STAU2: variants seen among roughly 807,000 people sequenced by gnomAD.
STAU2 encodes double-stranded RNA-binding protein Staufen homolog 2.
Under a neutral mutation model 65.9 loss-of-function variants are expected in STAU2, and 20 were observed. The observed-to-expected ratio is 0.30, with a 90% CI of 0.21 to 0.44. STAU2 has a LOEUF of 0.44. Ranked by LOEUF, STAU2 falls within the 20% of genes least tolerant of loss-of-function variation. The probability of loss-of-function intolerance (pLI) is 1.00; values close to 1 mark genes in which losing one functional copy is unlikely to be tolerated. For synonymous variants in STAU2, 232 were observed against 233.9 expected (o/e 0.99, Z 0.07); for missense variants, 558 against 683.9 (o/e 0.82, Z 2.05).
At chr8:73,608,913 G>A (rs1235173055) in intron 9 of STAU2, among the ~76,000 whole-genome samples, 1 of 152,158 alleles carries the variant, frequency 6.6e-6, no homozygotes, top group African/African-American at 2.4e-5. Flanking sequence ...AGGAGGCAGA[G>A]GTTGCAGTGA....
chr8:73,687,812 C>G (rs1459866790), intron 5 of STAU2, among the ~76,000 whole-genome samples: 4 of 151,042 alleles, frequency 2.6e-5, no homozygotes, highest in Non-Finnish European at 4.4e-5. Context: ...CCCGGGTTCA[C>G]GCCATTCTCC....
intron 5 of STAU2, among the ~76,000 whole-genome samples, chr8:73,687,112 T>C (rs1311248110): frequency 6.9e-6 from 1 of 144,998 alleles, no homozygotes; most frequent in Admixed American, 7.1e-5. Context: ...AGGCTATATA[T>C]AAATATATAG....
chr8:73,592,622 G>A (rs994714290), intron 11 of STAU2, among the ~76,000 whole-genome samples: 2 of 152,192 alleles, frequency 1.3e-5, no homozygotes, highest in Admixed American at 6.5e-5. Flanking sequence ...ACCTTGGGAA[G>A]CCAAGGCAGG....
intron 9 of STAU2, among the ~76,000 whole-genome samples, chr8:73,607,587 A>AAT (rs1464873799): frequency 6.6e-6 from 1 of 151,914 alleles, no homozygotes; most frequent in East Asian, 1.9e-4. Flanking sequence ...CATACAAAAA[A>AAT]TTAGCCGGGC....
intron 6 of STAU2, chr8:73,672,406 C>T (rs1169634881): frequency 3.9e-5 from 6 of 152,000 alleles, no homozygotes; most frequent in African/African-American, 4.8e-5. Context: ...TTCTGTATCT[C>T]GATCTGAGTG....
intron 13 of STAU2, among the ~76,000 whole-genome samples, chr8:73,512,137 T>C (rs889141246): frequency 6.6e-6 from 1 of 152,226 alleles, no homozygotes; most frequent in African/African-American, 2.4e-5. Flanking sequence ...TGCCACTAAG[T>C]AGAGTACTGT....
chr8:73,687,994 G>A (rs78814618), intron 5 of STAU2, among the ~76,000 whole-genome samples: 10,996 of 151,456 alleles, frequency 0.073, 432 homozygotes, highest in Middle Eastern at 0.14. Context: ...GATGACAGGC[G>A]TGAGCCACCG....
intron 13 of STAU2, among the ~76,000 whole-genome samples, chr8:73,523,480 A>G (rs959363031): frequency 3.3e-5 from 5 of 152,136 alleles, no homozygotes; most frequent in Non-Finnish European, 7.3e-5. Context: ...TTTAGAGTGT[A>G]GTTCAGTGAA....
chr8:73,746,888 C>CCCGCCT, upstream of STAU2: 1 of 1,019,878 alleles, frequency 9.8e-7, no homozygotes, highest in Non-Finnish European at 1.2e-6. Context: ...CTCCCCGCCC[C>CCCGCCT]CCGCCTCCGC....
chr8:73,721,287 CAAAAAAAAAAAAAAAA>C (rs35721754), intron 3 of STAU2, among the ~76,000 whole-genome samples: 5 of 12,464 alleles, frequency 4.0e-4, no homozygotes, highest in Admixed American at 1.2e-3. Flanking sequence ...ACCCCACCTC[CAAAAAAAAAAAAAAAA>C]AAAAAAAAAA....
At chr8:73,445,831 C>A (rs527533834) in intron 13 of STAU2, among the ~76,000 whole-genome samples, 2 of 152,330 alleles carry the variant, frequency 1.3e-5, no homozygotes, top group African/African-American at 2.4e-5. Flanking sequence ...CACCACCATA[C>A]GCTAGAGAAG....
intron 9 of STAU2, among the ~76,000 whole-genome samples, chr8:73,606,361 T>C (rs1005425473): frequency 3.3e-5 from 5 of 151,944 alleles, no homozygotes; most frequent in African/African-American, 1.2e-4. Flanking sequence ...CCAGAGTATA[T>C]AAAGACCTCT....
intron 3 of STAU2, among the ~76,000 whole-genome samples, chr8:73,730,237 T>C (rs945553258): frequency 2.6e-5 from 4 of 152,240 alleles, no homozygotes; most frequent in Admixed American, 6.5e-5. Flanking sequence ...TATTTCTAAG[T>C]ATTCTCTAAT....
At chr8:73,459,891 G>C (rs989054529) in intron 13 of STAU2, among the ~76,000 whole-genome samples, 2 of 152,134 alleles carry the variant, frequency 1.3e-5, no homozygotes, top group South Asian at 4.1e-4. Context: ...AACTCCTATC[G>C]GGCACGGCTC....
intron 13 of STAU2, among the ~76,000 whole-genome samples, chr8:73,432,574 T>C (rs1363623249): frequency 6.6e-6 from 1 of 152,216 alleles, no homozygotes; most frequent in Non-Finnish European, 1.5e-5. Flanking sequence ...AAGACATTTG[T>C]ATATTTCTAA....
chr8:73,698,923 TA>T (rs34819729), intron 4 of STAU2, among the ~76,000 whole-genome samples: 26 of 129,090 alleles, frequency 2.0e-4, no homozygotes, highest in Middle Eastern at 3.9e-3. Context: ...CTTAAAACAT[TA>T]AAAAAAAAAA....
intron 13 of STAU2, among the ~76,000 whole-genome samples, chr8:73,430,942 A>G (rs1383700293): frequency 6.6e-6 from 1 of 152,222 alleles, no homozygotes; most frequent in Non-Finnish European, 1.5e-5. Context: ...TAAACTTTGT[A>G]TTTACTGAGT....
intron 6 of STAU2, among the ~76,000 whole-genome samples, chr8:73,641,842 TAA>T (rs1334841453): frequency 1.3e-5 from 2 of 152,272 alleles, no homozygotes; most frequent in African/African-American, 4.8e-5. Context: ...CTTTGGGTTC[TAA>T]ATTTTAGAAT....
At chr8:73,507,281 T>A (rs1246938255) in intron 13 of STAU2, among the ~76,000 whole-genome samples, 1 of 152,046 alleles carries the variant, frequency 6.6e-6, no homozygotes, top group Non-Finnish European at 1.5e-5. Context: ...TAATAAGACT[T>A]GAAAGTCAAA....
Sources: gnomAD v4.1 joint callset for allele counts (sites outside exome capture counted in the v4.1 genomes callset) on GRCh38, gnomAD v4.1.1 for gene constraint, MANE v1.5 for transcripts, NCBI Gene and HGNC (gene_info 2026-07-23, HGNC 2026-07-21) for gene names.